ZKSCAN5: variants seen among roughly 807,000 people sequenced by gnomAD.
The protein encoded by ZKSCAN5 is zinc finger protein with KRAB and SCAN domains 5.
In ZKSCAN5, 28 loss-of-function variants were observed where a neutral mutation model predicts 60.0. The observed-to-expected ratio is 0.47, with a 90% CI of 0.35 to 0.64. The LOEUF is 0.64. Ranked by LOEUF, ZKSCAN5 falls within the 30% of genes least tolerant of loss-of-function variation. The pLI, the probability that ZKSCAN5 is intolerant of heterozygous loss-of-function variation, is 0.01. For synonymous variants in ZKSCAN5, 361 were observed against 371.2 expected, an observed-to-expected ratio of 0.97 and a Z score of 0.31; for missense variants, 881 against 1,034.6, an observed-to-expected ratio of 0.85 and a Z score of 2.04.
chr7:99,514,911 CAA>C (rs776123021), intron 3 of ZKSCAN5, among the ~76,000 whole-genome samples: 13 of 119,630 alleles, frequency 1.1e-4, no homozygotes, highest in East Asian at 2.4e-4. Flanking sequence ...AACTCTGTCT[CAA>C]AAAAAAAAAA....
At chr7:99,511,733 G>GCCGCCTGGCCCTAAGAGAGTT in intron 2 of ZKSCAN5, among the ~76,000 whole-genome samples, 1 of 152,208 alleles carries the variant, frequency 6.6e-6, no homozygotes, top group Admixed American at 6.5e-5. Flanking sequence ...ATGAGCTACC[G>GCCGCCTGGCCCTAAGAGAGTT]TTTCAGTGTT....
chr7:99,533,362 C>T lies in ZKSCAN5; in HGVS notation c.*1113C>T. 3.3e-6 allele frequency: 2 copies of T among 598,510 alleles called. No individual in the cohort carries two copies. The allele number at this position is 598,510 out of a possible 1,614,324, so 37.1% of individuals were successfully genotyped here. On this transcript the variant is annotated 3_prime_UTR_variant, in exon 7 of 7. Transcript: ENST00000326775. ...TGTGAGAGAGTTCTGAGCCTGTTTGCTAGGGAGAGTGAGTGAGTGCTCTTG... is the reference window on the plus strand; with the variant it reads ...TGTGAGAGAGTTCTGAGCCTGTTTGTTAGGGAGAGTGAGTGAGTGCTCTTG...
In ZKSCAN5 at chr7:99,506,068, A is replaced by G; in HGVS notation, c.24A>G (p.Glu8=). MIMTESR[E]VIDLDPPAET... is the part of the protein sequence containing the mutation. ...GAATGATAATGACCGAATCCCGAGA[A>G]GTTATAGACTTAGACCCCCCAGCTG... The change falls in exon 2 of 7, where the codon GAA becomes GAG. Residue 8 remains glutamate (E), a synonymous_variant. Coordinates refer to ENST00000326775, the MANE Select transcript of ZKSCAN5 (RefSeq NM_145102.4). 1 of 1,613,712 alleles carries G rather than the reference A, an allele frequency of 6.2e-7. No individual in the cohort carries two copies. The highest frequency in any genetic ancestry group is 8.5e-7 in the Non-Finnish European group (1 of 1,179,754).
intron 6 of ZKSCAN5, among the ~76,000 whole-genome samples, chr7:99,529,265 C>T (rs1270925099): frequency 6.6e-6 from 1 of 152,002 alleles, no homozygotes; most frequent in African/African-American, 2.4e-5. Flanking sequence ...CTCAGCCTCC[C>T]GAGTAGCTGG....
rs1477015772 is a variant in ZKSCAN5, at chr7:99,531,856, G to T, written c.2127G>T (p.Lys709Asn). 4.3e-6 allele frequency: 7 copies of T among 1,614,192 alleles called. No homozygotes were observed. Among genetic ancestry groups the T allele is most frequent in the Non-Finnish European group, 5.9e-6 (7 of 1,180,042 alleles). ...SWNLTVIEDK[K>N]IELQEQPYQC... is the part of the protein sequence containing the mutation. ...ACTTGACAGTGATTGAAGACAAGAAGATTGAGTTACAAGAGCAGCCTTATC... is the reference window on the plus strand; with the variant it reads ...ACTTGACAGTGATTGAAGACAAGAATATTGAGTTACAAGAGCAGCCTTATC... Residue 709 changes from lysine to asparagine, a missense_variant, in exon 7 of 7, where the codon AAG (lysine) becomes AAT (asparagine). Transcript: ENST00000326775.
intron 6 of ZKSCAN5, among the ~76,000 whole-genome samples, chr7:99,528,125 T>C (rs937386450): frequency 3.4e-4 from 52 of 151,404 alleles, no homozygotes; most frequent in Non-Finnish European, 5.9e-4. Context: ...TTTTCTTTTT[T>C]TTTTTTTTTT....
At chr7:99,511,168 G>GT (rs1287704233) in intron 2 of ZKSCAN5, among the ~76,000 whole-genome samples, 1 of 152,214 alleles carries the variant, frequency 6.6e-6, no homozygotes, top group Non-Finnish European at 1.5e-5. Flanking sequence ...ATTCCAATAT[G>GT]TTAGTAGTGA....
chr7:99,532,056 A>C lies in ZKSCAN5; in HGVS notation c.2327A>C (p.His776Pro), dbSNP rs770193160. ...IYSSTKSHQC[H>P]ECGRGFTLKS... ...TCCAGCACAAAATCCCATCAATGTC[A>C]TGAATGTGGCAGAGGCTTCACTCTG... is the stretch of plus-strand genomic sequence containing the variant. The change falls in exon 7 of 7, where the codon CAT (histidine) becomes CCT (proline). Residue 776 changes from histidine to proline, a missense_variant. By Grantham distance (77) the His-to-Pro change is moderately conservative. This residue lies in a region of ZKSCAN5 where 138 missense variants were observed against 143.8 expected (regional missense o/e 0.96). Transcript: ENST00000326775. The C allele has an allele frequency of 1.7e-5, 28 of 1,614,228 alleles. No homozygotes were observed. Among genetic ancestry groups the C allele is most frequent in the Non-Finnish European group, 2.3e-5 (27 of 1,180,038 alleles).
At chr7:99,511,286 C>T (rs1035289883) in intron 2 of ZKSCAN5, among the ~76,000 whole-genome samples, 1 of 152,136 alleles carries the variant, frequency 6.6e-6, no homozygotes, top group Non-Finnish European at 1.5e-5. Context: ...GAGGTAGCCT[C>T]AGTCTCAGTG....
Position 99,531,386 on chromosome 7 carries a change from G to A in ZKSCAN5, c.1657G>A (p.Glu553Lys), listed in dbSNP as rs751926709. Residue 553 changes from glutamate (E) to lysine (K), a missense_variant, in exon 7 of 7, where the codon GAG becomes AAG. By Grantham distance (56) the Glu-to-Lys change is moderately conservative. Around this residue, in one of 5 missense-constraint regions of ZKSCAN5, gnomAD observed 490 missense variants for 554.5 expected, o/e 0.88. Coordinates refer to ENST00000326775, the MANE Select transcript of ZKSCAN5 (RefSeq NM_145102.4). ...STGERPHKCN[E>K]CGKSFIQSAH... ...TGGAGAGAGACCACATAAATGTAACGAGTGTGGGAAAAGCTTCATTCAGAG... is the reference window on the plus strand; with the variant it reads ...TGGAGAGAGACCACATAAATGTAACAAGTGTGGGAAAAGCTTCATTCAGAG... The A allele has an allele frequency of 2.7e-5, 43 of 1,614,018 alleles. No individual in the cohort carries two copies. Among genetic ancestry groups the A allele is most frequent in the Non-Finnish European group, 3.1e-5 (36 of 1,180,046 alleles).
At chr7:99,509,181 G>A (rs79922221) in intron 2 of ZKSCAN5, among the ~76,000 whole-genome samples, 1 of 152,034 alleles carries the variant, frequency 6.6e-6, no homozygotes, top group Non-Finnish European at 1.5e-5. Flanking sequence ...TAGAGACAGG[G>A]TTTCGCCATG....
At chr7:99,515,355 C>T (rs1166603240) in intron 3 of ZKSCAN5, among the ~76,000 whole-genome samples, 2 of 151,360 alleles carry the variant, frequency 1.3e-5, no homozygotes, top group East Asian at 2.0e-4. Flanking sequence ...TGCTGTGAAC[C>T]GAGATTGTGC....
chr7:99,524,096 A>G, intron 5 of ZKSCAN5, among the ~76,000 whole-genome samples: 1 of 146,942 alleles, frequency 6.8e-6, no homozygotes. Flanking sequence ...TTTGGGACAG[A>G]GTCTCGCTCT....
At chr7:99,518,421 C>CA (rs1236771919) in intron 3 of ZKSCAN5, among the ~76,000 whole-genome samples, 21 of 141,632 alleles carry the variant, frequency 1.5e-4, no homozygotes, top group East Asian at 4.1e-4. Flanking sequence ...ACTCTGTCTC[C>CA]AAAAAAAAAA....
intron 5 of ZKSCAN5, 25 bp downstream of exon 5, chr7:99,520,329 A>T (rs1801474884): frequency 1.3e-6 from 2 of 1,584,040 alleles, no homozygotes; most frequent in Non-Finnish European, 1.7e-6. Context: ...ATCTGCATGG[A>T]TTAGGACATG....
intron 2 of ZKSCAN5, among the ~76,000 whole-genome samples, chr7:99,510,832 C>G (rs1584169500): frequency 6.6e-6 from 1 of 152,080 alleles, no homozygotes; most frequent in South Asian, 2.1e-4. Flanking sequence ...TCTCCGCCTC[C>G]CAGGCTCAAG....
chr7:99,508,162 G>C (rs1296740477), intron 2 of ZKSCAN5, among the ~76,000 whole-genome samples: 1 of 151,920 alleles, frequency 6.6e-6, no homozygotes, highest in Non-Finnish European at 1.5e-5. Context: ...AGCCGGGCGT[G>C]GTGGCACGCA....
At chr7:99,529,405 T>C (rs1184087298) in intron 6 of ZKSCAN5, among the ~76,000 whole-genome samples, 1 of 152,182 alleles carries the variant, frequency 6.6e-6, no homozygotes. Context: ...CCTCCCAAAG[T>C]GCTGGGATTA....
chr7:99,506,147 T>A lies in ZKSCAN5; in HGVS notation c.103T>A (p.Cys35Ser), dbSNP rs1318101397. Residue 35 changes from cysteine (C) to serine (S), a missense_variant, in exon 2 of 7, where the codon TGC becomes AGC. By Grantham distance (112) the Cys-to-Ser change is moderately radical (BLOSUM62 -1). This residue lies in a region of ZKSCAN5 where 88 missense variants were observed against 65.2 expected (regional missense o/e 1.35). Coordinates refer to ENST00000326775, the MANE Select transcript of ZKSCAN5 (RefSeq NM_145102.4). ...CATAGTGAAGGTGGAAGAAGAAGAC[T>A]GCACCTGGATGCAGGAGTACAACCC... ...LFIVKVEEED[C>S]TWMQEYNPPT... The A allele has an allele frequency of 2.5e-6, 4 of 1,614,192 alleles. No homozygotes were observed. The highest frequency in any genetic ancestry group is 3.4e-6 in the Non-Finnish European group (4 of 1,180,034).
Sources: gnomAD v4.1 joint callset for allele counts (sites outside exome capture counted in the v4.1 genomes callset) on GRCh38, gnomAD v4.1.1 for gene constraint, gnomAD v4.1.1 regional missense constraint, MANE v1.5 for transcripts, NCBI Gene and HGNC (gene_info 2026-07-23, HGNC 2026-07-21) for gene names.